The following ADAMTS18 variants were observed in gnomAD, a reference collection of about 807,000 sequenced individuals.
The protein encoded by ADAMTS18 is ADAM metallopeptidase with thrombospondin type 1 motif 18, also known as A disintegrin and metalloproteinase with thrombospondin motifs 18.
In ADAMTS18, 157 loss-of-function variants were observed where a neutral mutation model predicts 165.9. That is an observed-to-expected ratio of 0.95 (90% CI 0.83 to 1.08). The LOEUF (loss-of-function observed/expected upper bound fraction) is 1.08, where lower values mean the gene tolerates loss of function less well. ADAMTS18 is among the 50% of genes least tolerant of loss of function. The probability of loss-of-function intolerance (pLI) is 0.00; values close to 1 mark genes in which losing one functional copy is unlikely to be tolerated. For synonymous variants in ADAMTS18, 782 were observed against 578.2 expected, an observed-to-expected ratio of 1.35 and a Z score of -5.06; for missense variants, 2,040 against 1,534.0, an observed-to-expected ratio of 1.33 and a Z score of -5.51.
At chr16:77,419,601 T>C (rs1237667724) in intron 3 of ADAMTS18, among the ~76,000 whole-genome samples, 1 of 152,150 alleles carries the variant, frequency 6.6e-6, no homozygotes, top group African/African-American at 2.4e-5. Flanking sequence ...TATCTTAAAG[T>C]TAACCAATCT....
chr16:77,385,957 G>A (rs995501453), intron 3 of ADAMTS18, among the ~76,000 whole-genome samples: 14 of 152,236 alleles, frequency 9.2e-5, no homozygotes, highest in African/African-American at 3.4e-4. Context: ...GGGATCTGGG[G>A]AGAACAAAGA....
chr16:77,429,678 A>G (rs2057715452), intron 3 of ADAMTS18, among the ~76,000 whole-genome samples: 1 of 152,166 alleles, frequency 6.6e-6, no homozygotes, highest in Admixed American at 6.5e-5. Flanking sequence ...ATATTAATCT[A>G]TTACTATGAG....
chr16:77,414,952 C>G (rs1183972333), intron 3 of ADAMTS18, among the ~76,000 whole-genome samples: 1 of 152,206 alleles, frequency 6.6e-6, no homozygotes, highest in Non-Finnish European at 1.5e-5. Context: ...ATAATGTGCT[C>G]ACTTGTATTT....
chr16:77,299,432 T>C (rs1348026391), intron 17 of ADAMTS18, among the ~76,000 whole-genome samples: 1 of 152,214 alleles, frequency 6.6e-6, no homozygotes, highest in Non-Finnish European at 1.5e-5. Flanking sequence ...GACCTACAGA[T>C]AGGCCTTTCA....
chr16:77,417,694 G>A (rs983047908), intron 3 of ADAMTS18, among the ~76,000 whole-genome samples: 4 of 152,146 alleles, frequency 2.6e-5, no homozygotes, highest in South Asian at 2.1e-4. Context: ...ATGCTGGTGC[G>A]CTGCACCCAC....
chr16:77,320,074 G>A lies in ADAMTS18; in HGVS notation c.2307C>T (p.Leu769=), dbSNP rs769729115. ...CGATGCTTCGGGCGCCAGCTGGAAT[G>A]AGGACCACCGGATAATATTCTAAAT... is the stretch of plus-strand genomic sequence containing the variant. The part of the protein sequence containing the change: ...HKANEYYPVV[L]IPAGARSIEI... The change falls in exon 16 of 23, where the codon CTC becomes CTT. Residue 769 remains leucine, a synonymous_variant. Transcript: ENST00000282849. The A allele has an allele frequency of 1.9e-6, 3 of 1,614,110 alleles. No homozygotes were observed. The highest frequency in any genetic ancestry group is 2.2e-5 in the East Asian group (1 of 44,858).
intron 6 of ADAMTS18, among the ~76,000 whole-genome samples, chr16:77,362,579 A>G (rs552558070): frequency 5.5e-4 from 84 of 152,344 alleles, no homozygotes; most frequent in African/African-American, 1.9e-3. Context: ...TTAAAACATG[A>G]TAATAAATTA....
chr16:77,356,433 T>C (rs184094136), intron 8 of ADAMTS18, among the ~76,000 whole-genome samples: 3 of 152,294 alleles, frequency 2.0e-5, no homozygotes, highest in Admixed American at 2.0e-4. Context: ...ATTCTTATCT[T>C]GTCACCAACC....
intron 3 of ADAMTS18, among the ~76,000 whole-genome samples, chr16:77,394,285 G>A (rs553275146): frequency 6.6e-6 from 1 of 152,162 alleles, no homozygotes; most frequent in African/African-American, 2.4e-5. Flanking sequence ...GGTGGTCATA[G>A]AACAGGTAAG....
chr16:77,294,075 C>A (rs897028478), intron 19 of ADAMTS18, among the ~76,000 whole-genome samples: 3 of 152,118 alleles, frequency 2.0e-5, no homozygotes, highest in South Asian at 2.1e-4. Context: ...AAGGAAAACA[C>A]AGAAGAACTG....
At chr16:77,393,958 G>T (rs762825588) in intron 3 of ADAMTS18, among the ~76,000 whole-genome samples, 3 of 152,198 alleles carry the variant, frequency 2.0e-5, no homozygotes, top group Non-Finnish European at 4.4e-5. Flanking sequence ...TATTCAGCTG[G>T]TCCTGGCTAT....
intron 13 of ADAMTS18, 54 bp from the exon 14 acceptor site, chr16:77,322,520 TGATAG>T (rs1377204503): frequency 1.3e-6 from 2 of 1,588,952 alleles, no homozygotes; most frequent in Non-Finnish European, 1.7e-6. Flanking sequence ...TAAGGAAAAA[TGATAG>T]GATTGTCAAA....
At chr16:77,377,455 A>G (rs1165139785) in intron 3 of ADAMTS18, among the ~76,000 whole-genome samples, 1 of 152,234 alleles carries the variant, frequency 6.6e-6, no homozygotes, top group African/African-American at 2.4e-5. Context: ...AATTTAAAAG[A>G]TCTAATGAAC....
chr16:77,364,651 G>T (rs538211223), intron 4 of ADAMTS18, among the ~76,000 whole-genome samples: 42 of 148,064 alleles, frequency 2.8e-4, no homozygotes, highest in African/African-American at 1.0e-3. Context: ...GATGGATGGT[G>T]GATGGATAAA....
intron 13 of ADAMTS18, among the ~76,000 whole-genome samples, chr16:77,324,067 C>T (rs8044883): frequency 0.46 from 70,185 of 151,986 alleles, 16,870 homozygotes; most frequent in East Asian, 0.88. Flanking sequence ...TCTTTAAGGG[C>T]GATAACAGGA....
intron 12 of ADAMTS18, among the ~76,000 whole-genome samples, chr16:77,326,745 G>A (rs2056102388): frequency 6.6e-6 from 1 of 152,148 alleles, no homozygotes; most frequent in Admixed American, 6.5e-5. Flanking sequence ...TTTAGGTTCA[G>A]GGGTACATGT....
intron 3 of ADAMTS18, among the ~76,000 whole-genome samples, chr16:77,397,014 G>C (rs1036240354): frequency 1.3e-5 from 2 of 151,980 alleles, no homozygotes; most frequent in African/African-American, 4.8e-5. Flanking sequence ...TCACCATGTT[G>C]GCCAGGCTGG....
intron 3 of ADAMTS18, among the ~76,000 whole-genome samples, chr16:77,411,214 G>C (rs922916950): frequency 1.3e-5 from 2 of 152,126 alleles, no homozygotes; most frequent in Admixed American, 1.3e-4. Context: ...CTGCTGGGGT[G>C]CTCTTCCTGA....
chr16:77,309,583 A>G (rs2144613263), intron 16 of ADAMTS18, among the ~76,000 whole-genome samples: 1 of 152,330 alleles, frequency 6.6e-6, no homozygotes, highest in East Asian at 1.9e-4. Flanking sequence ...TCTGTTTTCT[A>G]TTTAGCTTAA....
Sources: allele counts gnomAD v4.1 joint callset (sites outside exome capture counted in the v4.1 genomes callset), GRCh38; gene constraint gnomAD v4.1.1; transcripts MANE v1.5; gene names NCBI Gene and HGNC (gene_info 2026-07-23, HGNC 2026-07-21).